Variants in ITGB3BP observed in about 807,000 individuals in gnomAD.
ITGB3BP encodes the protein centromere protein R.
Under a neutral mutation model 29.1 loss-of-function variants are expected in ITGB3BP, and 27 were observed. The observed-to-expected ratio is 0.93, with a 90% CI of 0.68 to 1.28. The LOEUF (loss-of-function observed/expected upper bound fraction) is 1.28. Ranked by LOEUF, ITGB3BP falls within the 50% of genes most tolerant of loss-of-function variation. ITGB3BP has a pLI of 0.00. For synonymous variants in ITGB3BP, 61 were observed against 61.4 expected, an observed-to-expected ratio of 0.99 and a Z score of 0.03; for missense variants, 192 against 200.2, an observed-to-expected ratio of 0.96 and a Z score of 0.25.
At chr1:63,459,648 C>T (rs1644984513) in intron 4 of ITGB3BP, among the ~76,000 whole-genome samples, 1 of 152,056 alleles carries the variant, frequency 6.6e-6, no homozygotes, top group African/African-American at 2.4e-5. Flanking sequence ...TTCAAAACAA[C>T]TGTCTGTGGG....
intron 4 of ITGB3BP, chr1:63,457,558 C>G (rs1403483275): frequency 6.6e-6 from 1 of 152,120 alleles, no homozygotes; most frequent in East Asian, 1.9e-4. Flanking sequence ...TCATTTCTTT[C>G]AAGCTGCCTG....
intron 1 of ITGB3BP, chr1:63,510,199 G>T: frequency 2.1e-6 from 1 of 468,438 alleles, no homozygotes; most frequent in Non-Finnish European, 3.9e-6. Flanking sequence ...AAAAAAAAAA[G>T]AAAAAGAAAA....
chr1:63,506,691 T>A (rs1646088220), intron 2 of ITGB3BP, among the ~76,000 whole-genome samples: 1 of 152,166 alleles, frequency 6.6e-6, no homozygotes, highest in Non-Finnish European at 1.5e-5. Context: ...CAAATATCTC[T>A]GGATATGGCC....
chr1:63,506,690 CT>C (rs1646088262), intron 2 of ITGB3BP, among the ~76,000 whole-genome samples: 1 of 152,114 alleles, frequency 6.6e-6, no homozygotes, highest in African/African-American at 2.4e-5. Flanking sequence ...CCAAATATCT[CT>C]GGATATGGCC....
intron 1 of ITGB3BP, among the ~76,000 whole-genome samples, chr1:63,520,221 A>G (rs1015867027): frequency 6.6e-6 from 1 of 152,200 alleles, no homozygotes; most frequent in African/African-American, 2.4e-5. Context: ...TTATCATTCA[A>G]TTAATAAATA....
At chr1:63,443,889 C>G (rs1314981985) in intron 8 of ITGB3BP, among the ~76,000 whole-genome samples, 1 of 150,820 alleles carries the variant, frequency 6.6e-6, no homozygotes, top group Non-Finnish European at 1.5e-5. Flanking sequence ...ACTTGGGGGA[C>G]ATTGTATGGC....
At chr1:63,492,971 C>A (rs1316696068) in intron 2 of ITGB3BP, among the ~76,000 whole-genome samples, 6 of 151,730 alleles carry the variant, frequency 4.0e-5, no homozygotes, top group Admixed American at 2.0e-4. Flanking sequence ...ATTAGCTGGG[C>A]ATAGTGGTGC....
chr1:63,458,595 T>G (rs924192944), intron 4 of ITGB3BP, among the ~76,000 whole-genome samples: 4 of 152,066 alleles, frequency 2.6e-5, no homozygotes, highest in Non-Finnish European at 4.4e-5. Context: ...GTGGATATAG[T>G]GGAAGAAGAG....
In ITGB3BP at chr1:63,492,821, G is replaced by T. The variant is rs935567044; in HGVS notation, c.49-2603C>A. 9.9e-5 allele frequency among the ~76,000 whole-genome samples: 15 copies of T among 152,206 alleles called. No individual in the cohort carries two copies. In the East Asian group the frequency reaches 1.5e-3, roughly 16 times the overall value. ...ACAAAAAGAAAGAAAGAAAGAGAGC[G>T]ATGTCAGCTGGGCAGGGCATTTCAT... On this transcript the variant is annotated intron_variant, in intron 2 of 8. Coordinates refer to ENST00000271002, the MANE Select transcript of ITGB3BP (RefSeq NM_014288.5).
chr1:63,488,482 G>A (rs1645575805), intron 3 of ITGB3BP, among the ~76,000 whole-genome samples: 1 of 151,928 alleles, frequency 6.6e-6, no homozygotes, highest in African/African-American at 2.4e-5. Context: ...TTTTAAAAGT[G>A]GGAGTTGTTA....
intron 4 of ITGB3BP, among the ~76,000 whole-genome samples, chr1:63,472,829 C>A (rs1390625268): frequency 6.6e-6 from 1 of 151,946 alleles, no homozygotes; most frequent in African/African-American, 2.4e-5. Context: ...TCGCTACAAC[C>A]TCCACCTCCC....
intron 7 of ITGB3BP, among the ~76,000 whole-genome samples, chr1:63,452,295 A>C (rs936069149): frequency 1.3e-5 from 2 of 152,188 alleles, no homozygotes; most frequent in Admixed American, 1.3e-4. Context: ...AAGGCCAACT[A>C]TATTAAGCCT....
At position 63,454,430 on chromosome 1, in the gene ITGB3BP, G is replaced by C; in HGVS notation, c.377C>G (p.Ser126Cys). The change falls in exon 6 of 9, where the codon TCC becomes TGC. Residue 126 changes from serine (S) to cysteine (C), a missense_variant. Transcript: ENST00000271002. This position sits in a 1 kb window ranked among gnomAD's most constrained non-coding sequence, Gnocchi z 4.1. ...TCTTTTTAAGAAATGTGATGCACAG[G>C]AGATTCCAATGAGATTTTCAAGCTC... is the stretch of plus-strand genomic sequence containing the variant. ...SRELENLIGI[S>C]CASHFLKREM... The C allele has an allele frequency of 6.2e-7, 1 of 1,604,378 alleles. No homozygotes were observed. The highest frequency in any genetic ancestry group is 8.5e-7 in the Non-Finnish European group (1 of 1,173,792).
intron 4 of ITGB3BP, among the ~76,000 whole-genome samples, chr1:63,466,973 C>T (rs916454759): frequency 6.6e-6 from 1 of 151,472 alleles, no homozygotes; most frequent in Admixed American, 6.5e-5. Context: ...CAGCCTCCAC[C>T]TCCTGGGCTC....
chr1:63,448,095 C>T (rs1458015680), intron 7 of ITGB3BP, among the ~76,000 whole-genome samples: 7 of 145,488 alleles, frequency 4.8e-5, no homozygotes, highest in Admixed American at 1.4e-4. Context: ...AACCAAACAC[C>T]GCATGTTCTC....
At chr1:63,474,155 GC>G (rs1198669262) in intron 4 of ITGB3BP, among the ~76,000 whole-genome samples, 3 of 121,830 alleles carry the variant, frequency 2.5e-5, no homozygotes, top group African/African-American at 5.8e-5. Context: ...GGGGGGGTCA[GC>G]CCCCCGCCCG....
At chr1:63,499,537 G>A (rs1232743284) in intron 2 of ITGB3BP, among the ~76,000 whole-genome samples, 2 of 152,130 alleles carry the variant, frequency 1.3e-5, no homozygotes, top group African/African-American at 2.4e-5. Context: ...TTTGAAGCCA[G>A]TATTATCCTG....
intron 2 of ITGB3BP, among the ~76,000 whole-genome samples, chr1:63,492,000 C>T (rs1024882611): frequency 1.3e-5 from 2 of 152,182 alleles, no homozygotes; most frequent in Admixed American, 6.5e-5. Flanking sequence ...AACTACTTCA[C>T]TGTGTATGTA....
intron 3 of ITGB3BP, among the ~76,000 whole-genome samples, chr1:63,483,177 T>C (rs980447853): frequency 6.6e-6 from 1 of 152,210 alleles, no homozygotes; most frequent in African/African-American, 2.4e-5. Context: ...GACTGGGTAC[T>C]TGACAGTCTG....
Sources: gnomAD v4.1 joint callset for allele counts (sites outside exome capture counted in the v4.1 genomes callset) on GRCh38, gnomAD v4.1.1 for gene constraint, Gnocchi (gnomAD v3.1) non-coding constraint, MANE v1.5 for transcripts, NCBI Gene and HGNC (gene_info 2026-07-23, HGNC 2026-07-21) for gene names.